Variants in ATP10B observed in about 807,000 individuals in gnomAD.
The protein encoded by ATP10B is phospholipid-transporting ATPase VB.
In ATP10B, 122 loss-of-function variants were observed where a neutral mutation model predicts 141.2. The observed-to-expected ratio is 0.86, with a 90% CI of 0.75 to 1.00. The LOEUF (loss-of-function observed/expected upper bound fraction) is 1.00. Among genes scored for constraint, ATP10B ranks in the 50% least tolerant of loss-of-function variants. The probability of loss-of-function intolerance (pLI) is 0.00; values close to 1 mark genes in which losing one functional copy is unlikely to be tolerated. For synonymous variants in ATP10B, 685 were observed against 692.0 expected (o/e 0.99, Z 0.16); for missense variants, 1,876 against 1,825.3 (o/e 1.03, Z -0.51).
At chr5:160,804,401 T>C (rs758735664) in intron 1 of ATP10B, among the ~76,000 whole-genome samples, 1 of 152,196 alleles carries the variant, frequency 6.6e-6, no homozygotes, top group Non-Finnish European at 1.5e-5. Context: ...TCTATAAATA[T>C]CTAATAAATG....
Position 160,620,578 on chromosome 5 carries a change from G to T in ATP10B, c.2185C>A (p.His729Asn), listed in dbSNP as rs765563865. The T allele has an allele frequency of 4.3e-6, 7 of 1,613,870 alleles. No individual in the cohort carries two copies. Among genetic ancestry groups the T allele is most frequent in the Non-Finnish European group, 5.9e-6 (7 of 1,179,784 alleles). Residue 729 changes from histidine to asparagine, a missense_variant, in exon 15 of 26, where the codon CAC (histidine) becomes AAC (asparagine). His to Asn is a moderately conservative substitution (Grantham distance 68, BLOSUM62 1). Coordinates refer to ENST00000327245, the MANE Select transcript of ATP10B (RefSeq NM_025153.3). ...GTGAAGCTGTAGGCATGGGCAGCGT[G>T]CACCAGGGCGGCCTCATCAGGGCTC... Reference protein sequence around the residue: ...AESPDEAALVHAAHAYSFTLV... With the variant: ...AESPDEAALVNAAHAYSFTLV...
chr5:160,725,479 T>C (rs1766274387), intron 2 of ATP10B, among the ~76,000 whole-genome samples: 1 of 151,958 alleles, frequency 6.6e-6, no homozygotes, highest in Non-Finnish European at 1.5e-5. Flanking sequence ...TTTTAGTTGC[T>C]CTGTCGCCAA....
intron 3 of ATP10B, among the ~76,000 whole-genome samples, chr5:160,708,946 T>C (rs1041763248): frequency 6.6e-6 from 1 of 152,126 alleles, no homozygotes; most frequent in African/African-American, 2.4e-5. Context: ...ATGATACACA[T>C]CGGAGAGCCA....
intron 25 of ATP10B, among the ~76,000 whole-genome samples, chr5:160,567,562 G>A (rs970252705): frequency 2.6e-5 from 4 of 152,162 alleles, no homozygotes; most frequent in Non-Finnish European, 4.4e-5. Context: ...GAAGGTAGTG[G>A]CTTGGGGGAA....
intron 3 of ATP10B, among the ~76,000 whole-genome samples, chr5:160,698,034 A>G (rs1764470713): frequency 6.6e-6 from 1 of 152,182 alleles, no homozygotes. Flanking sequence ...CTCACAAATT[A>G]TCTTGCAAGC....
Position 160,811,793 on chromosome 5 carries a change from A to G in ATP10B, c.-575-25990T>C, listed in dbSNP as rs545655127. Among the ~76,000 whole-genome samples, 8 of 152,320 alleles carry G rather than the reference A, an allele frequency of 5.3e-5. No homozygotes were observed. The South Asian group carries it at 1.7e-3, about 32-fold the overall frequency. On this transcript the variant is annotated intron_variant, in intron 1 of 25. Coordinates refer to ENST00000327245, the MANE Select transcript of ATP10B (RefSeq NM_025153.3). ...CTCATTACTCTGAAAGGAAGGATACAAACCTGGCTGCCATTGCCACCTGCT... is the reference window on the plus strand; with the variant it reads ...CTCATTACTCTGAAAGGAAGGATACGAACCTGGCTGCCATTGCCACCTGCT...
At chr5:160,693,115 G>A (rs896983785) in intron 3 of ATP10B, among the ~76,000 whole-genome samples, 2 of 151,758 alleles carry the variant, frequency 1.3e-5, no homozygotes, top group East Asian at 3.9e-4. Flanking sequence ...CAAAAAAGGG[G>A]CAAAATAATT....
At chr5:160,877,135 A>G in the ATP10B span, among the ~76,000 whole-genome samples, 1 of 152,340 alleles carries the variant, frequency 6.6e-6, no homozygotes, top group African/African-American at 2.4e-5. Context: ...AAAATCCTCA[A>G]TAAAATACTG....
At position 160,653,568 on chromosome 5, in the gene ATP10B, C is replaced by CATATACAT. The variant is rs1193180455; in HGVS notation, c.676-4320_676-4313dup. Among the ~76,000 whole-genome samples the CATATACAT allele has an allele frequency of 7.2e-4, 52 of 72,130 alleles. 2 individuals are homozygous for CATATACAT. Among genetic ancestry groups the CATATACAT allele is most frequent in the South Asian group, 2.1e-3 (4 of 1,944 alleles). The allele number at this position is 72,130 out of a possible 152,430, so 47.3% of individuals were successfully genotyped here. A position where few individuals can be genotyped will look rare whatever the true frequency, so the allele number is the denominator to read the frequency against. ...TACATACATATATACATATATATTA[C>CATATACAT]ATATACATATATACATATATACATA... On this transcript the variant is annotated intron_variant, in intron 7 of 25. Coordinates refer to ENST00000327245, the MANE Select transcript of ATP10B (RefSeq NM_025153.3).
At chr5:160,892,832 C>A in the ATP10B span, among the ~76,000 whole-genome samples, 1 of 152,168 alleles carries the variant, frequency 6.6e-6, no homozygotes, top group East Asian at 1.9e-4. Flanking sequence ...TTCTGCATTT[C>A]AAACTGAGGT....
chr5:160,587,395 G>A (rs1463245733), intron 24 of ATP10B, among the ~76,000 whole-genome samples: 1 of 152,066 alleles, frequency 6.6e-6, no homozygotes, highest in African/African-American at 2.4e-5. Context: ...TTTTTACTTA[G>A]GATTTTCTTG....
At chr5:160,607,727 T>C (rs1039339127) in intron 18 of ATP10B, among the ~76,000 whole-genome samples, 5 of 152,226 alleles carry the variant, frequency 3.3e-5, no homozygotes, top group African/African-American at 1.2e-4. Context: ...TATAAAAGTC[T>C]TATTGATGGA....
At chr5:160,909,981 C>A in the ATP10B span, among the ~76,000 whole-genome samples, 3 of 152,166 alleles carry the variant, frequency 2.0e-5, no homozygotes, top group Non-Finnish European at 4.4e-5. Flanking sequence ...AGGCACTTCA[C>A]CTTTGAGCTT....
the ATP10B span, among the ~76,000 whole-genome samples, chr5:160,919,222 T>TAAAAAAAAAAAA: frequency 8.6e-5 from 1 of 11,616 alleles, no homozygotes; most frequent in Non-Finnish European, 1.4e-4. Flanking sequence ...AAACTCCGTC[T>TAAAAAAAAAAAA]CAAAAAAAAA....
In ATP10B at chr5:160,780,338, T is replaced by C. The variant is rs181112951; in HGVS notation, c.-331+5221A>G. ...GGTTGCCATATAAATATACATGTTT[T>C]TTGGTGATTTCATAGAACATAATTT... On this transcript the variant is annotated intron_variant, in intron 2 of 25. Transcript: ENST00000327245. Among the ~76,000 whole-genome samples the C allele has an allele frequency of 2.0e-5, 3 of 148,766 alleles. No homozygotes were observed. The East Asian group carries it at 6.1e-4, about 30-fold the overall frequency.
In ATP10B at chr5:160,701,701, C is replaced by T. The variant is rs568146336; in HGVS notation, c.-204-12758G>A. 1.4e-4 allele frequency among the ~76,000 whole-genome samples: 22 copies of T among 151,936 alleles called. No homozygotes were observed. In the South Asian group the frequency reaches 4.2e-3, roughly 29 times the overall value. On this transcript the variant is annotated intron_variant, in intron 3 of 25. Transcript: ENST00000327245. ...TCCCAGTGCCTCCTGGGAATAGTCA[C>T]ACCTCTACCCAATGCCTTCTGGGAA...
chr5:160,800,740 T>C (rs1772321872), intron 1 of ATP10B, among the ~76,000 whole-genome samples: 1 of 152,256 alleles, frequency 6.6e-6, no homozygotes, highest in East Asian at 1.9e-4. Flanking sequence ...GCCATTCCCC[T>C]TTGCTTCTCA....
chr5:160,782,045 G>A (rs1000596344), intron 2 of ATP10B, among the ~76,000 whole-genome samples: 3 of 152,108 alleles, frequency 2.0e-5, no homozygotes, highest in African/African-American at 4.8e-5. Context: ...GAGATACTGG[G>A]GGTTGAGTAA....
intron 2 of ATP10B, among the ~76,000 whole-genome samples, chr5:160,750,008 C>T (rs554402486): frequency 4.2e-4 from 64 of 152,262 alleles, no homozygotes; most frequent in Admixed American, 2.2e-3. Flanking sequence ...CCTTCTTTTA[C>T]GGGTATGGCT....
Sources: allele counts gnomAD v4.1 joint callset (sites outside exome capture counted in the v4.1 genomes callset), GRCh38; gene constraint gnomAD v4.1.1; transcripts MANE v1.5; gene names NCBI Gene and HGNC (gene_info 2026-07-23, HGNC 2026-07-21).